NRXN3: variants seen among roughly 807,000 people sequenced by gnomAD.
NRXN3 encodes the protein neurexin 3, also known as neurexin III.
NRXN3 carries 32 observed loss-of-function variants against 137.6 expected under a neutral mutation model. The ratio of observed to expected loss-of-function variants is 0.23; its 90% CI spans 0.18 to 0.31. NRXN3 has a LOEUF of 0.31. Among genes scored for constraint, NRXN3 ranks in the 10% least tolerant of loss-of-function variants. The pLI, the probability that NRXN3 is intolerant of heterozygous loss-of-function variation, is 1.00. For missense variants in NRXN3, 1,574 were observed against 2,062.5 expected (o/e 0.76, Z 4.59); for synonymous variants, 798 against 784.5 (o/e 1.02, Z -0.29).
intron 15 of NRXN3, among the ~76,000 whole-genome samples, chr14:79,382,927 G>A (rs1271294312): frequency 2.1e-5 from 3 of 143,434 alleles, no homozygotes; most frequent in South Asian, 2.5e-4. Context: ...TACAAAAACC[G>A]TGTTTTTTCT....
chr14:78,385,118 C>G (rs2089747780), intron 4 of NRXN3, among the ~76,000 whole-genome samples: 1 of 152,078 alleles, frequency 6.6e-6, no homozygotes, highest in South Asian at 2.1e-4. Flanking sequence ...CAAGGACTCA[C>G]TCCCTTCTAA....
intron 14 of NRXN3, 78 bp from the exon 15 acceptor site, chr14:78,987,944 G>A (rs776086087): frequency 4.5e-4 from 659 of 1,474,408 alleles, no homozygotes; most frequent in Non-Finnish European, 5.5e-4. Context: ...AAATTCAGGT[G>A]ATTTCCTTGA....
At chr14:79,252,447 T>A (rs1382132353) in intron 15 of NRXN3, among the ~76,000 whole-genome samples, 1 of 152,210 alleles carries the variant, frequency 6.6e-6, no homozygotes, top group Non-Finnish European at 1.5e-5. Context: ...GATCTTGTAG[T>A]TGACATCTTG....
chr14:79,198,056 T>G (rs1488587916), intron 15 of NRXN3, among the ~76,000 whole-genome samples: 1 of 152,206 alleles, frequency 6.6e-6, no homozygotes, highest in Non-Finnish European at 1.5e-5. Context: ...GAGATTGCAG[T>G]AATTCAGTCC....
chr14:78,709,327 C>A lies in NRXN3; in HGVS notation c.1332C>A (p.Ala444=). ...GEVVFKCENV[A]TLDPINFETP... ...TTGTGTTTAAGTGTGAGAATGTGGCCACACTGGACCCCATCAACTTTGAGA... is the reference window on the plus strand; with the variant it reads ...TTGTGTTTAAGTGTGAGAATGTGGCAACACTGGACCCCATCAACTTTGAGA... The change falls in exon 7 of 21, where the codon GCC becomes GCA. Residue 444 remains alanine (A), a synonymous_variant. Coordinates refer to ENST00000335750, the MANE Select transcript of NRXN3 (RefSeq NM_001330195.2). The A allele has an allele frequency of 1.9e-6, 3 of 1,614,068 alleles. No individual in the cohort carries two copies. Among genetic ancestry groups the A allele is most frequent in the Non-Finnish European group, 2.5e-6 (3 of 1,180,004 alleles).
intron 15 of NRXN3, among the ~76,000 whole-genome samples, chr14:79,408,549 C>T (rs1382545130): frequency 6.6e-6 from 1 of 152,122 alleles, no homozygotes; most frequent in African/African-American, 2.4e-5. Flanking sequence ...CTGTATCCCT[C>T]ATGCAGACCT....
intron 4 of NRXN3, among the ~76,000 whole-genome samples, chr14:78,401,057 T>A (rs188044224): frequency 2.6e-5 from 4 of 152,338 alleles, no homozygotes; most frequent in Admixed American, 2.6e-4. Context: ...GCTAATCCTC[T>A]GGAGGTGACA....
intron 15 of NRXN3, among the ~76,000 whole-genome samples, chr14:79,272,396 T>C (rs1371196698): frequency 6.6e-6 from 1 of 152,134 alleles, no homozygotes; most frequent in African/African-American, 2.4e-5. Flanking sequence ...TTTCTTTGTA[T>C]CCTGAGTGGA....
chr14:78,236,735 C>G (rs1313031498), intron 1 of NRXN3, among the ~76,000 whole-genome samples: 1 of 145,146 alleles, frequency 6.9e-6, no homozygotes, highest in East Asian at 2.1e-4. Flanking sequence ...TTATTCCCCC[C>G]CCCCTTTTTT....
At chr14:78,791,470 C>A (rs1039751359) in intron 8 of NRXN3, among the ~76,000 whole-genome samples, 1 of 152,104 alleles carries the variant, frequency 6.6e-6, no homozygotes, top group African/African-American at 2.4e-5. Flanking sequence ...GCTAGCCCCA[C>A]CTATGTTCCT....
At chr14:79,130,160 A>G (rs1220734718) in intron 15 of NRXN3, among the ~76,000 whole-genome samples, 2 of 150,422 alleles carry the variant, frequency 1.3e-5, no homozygotes, top group East Asian at 2.0e-4. Context: ...TTTTAATTGG[A>G]GCATTTAGTC....
At chr14:79,785,385 C>T (rs150783847) in intron 19 of NRXN3, among the ~76,000 whole-genome samples, 1 of 152,292 alleles carries the variant, frequency 6.6e-6, no homozygotes, top group Non-Finnish European at 1.5e-5. Context: ...TTCATGCTTA[C>T]TCTGTGTTCT....
At chr14:79,261,131 G>T (rs1423136483) in intron 15 of NRXN3, among the ~76,000 whole-genome samples, 1 of 152,168 alleles carries the variant, frequency 6.6e-6, no homozygotes, top group Non-Finnish European at 1.5e-5. Flanking sequence ...AGGAGGGTGA[G>T]ATATATGTGA....
At chr14:78,723,883 G>A (rs2098471248) in intron 8 of NRXN3, among the ~76,000 whole-genome samples, 1 of 152,042 alleles carries the variant, frequency 6.6e-6, no homozygotes, top group African/African-American at 2.4e-5. Context: ...AAATTGAGAA[G>A]GTTGGACCAT....
At chr14:79,432,622 T>C (rs2095781046) in intron 15 of NRXN3, among the ~76,000 whole-genome samples, 1 of 152,242 alleles carries the variant, frequency 6.6e-6, no homozygotes, top group African/African-American at 2.4e-5. Flanking sequence ...TAATTTTGGT[T>C]AACATCCTTA....
intron 4 of NRXN3, among the ~76,000 whole-genome samples, chr14:78,486,859 C>A (rs1295031051): frequency 6.6e-6 from 1 of 152,138 alleles, no homozygotes; most frequent in African/African-American, 2.4e-5. Context: ...TGATTATAGT[C>A]ATGGGCCAAT....
At chr14:79,437,641 A>G (rs2003615) in intron 15 of NRXN3, among the ~76,000 whole-genome samples, 60,514 of 151,820 alleles carry the variant, frequency 0.4, 12,983 homozygotes, top group African/African-American at 0.54. Context: ...TGAACATGGC[A>G]TGGCTGCCGA....
At chr14:79,599,927 G>A (rs531927508) in intron 16 of NRXN3, among the ~76,000 whole-genome samples, 4 of 152,202 alleles carry the variant, frequency 2.6e-5, no homozygotes, top group Non-Finnish European at 4.4e-5. Flanking sequence ...CCCAGGAGGC[G>A]GAGGTTGCAG....
intron 4 of NRXN3, among the ~76,000 whole-genome samples, chr14:78,439,079 A>C (rs959282669): frequency 1.3e-5 from 2 of 152,100 alleles, no homozygotes; most frequent in Non-Finnish European, 2.9e-5. Context: ...CATGGTTGGC[A>C]CGGGGTTGTT....
Sources: gnomAD v4.1 joint callset for allele counts (sites outside exome capture counted in the v4.1 genomes callset) on GRCh38, gnomAD v4.1.1 for gene constraint, MANE v1.5 for transcripts, NCBI Gene and HGNC (gene_info 2026-07-23, HGNC 2026-07-21) for gene names.